The following PRKCA variants were observed in gnomAD, a reference collection of about 807,000 sequenced individuals.
PRKCA encodes protein kinase C alpha type.
Under a neutral mutation model 87.0 loss-of-function variants are expected in PRKCA, and 27 were observed. That is an observed-to-expected ratio of 0.31 (90% CI 0.23 to 0.43). The LOEUF (loss-of-function observed/expected upper bound fraction) is 0.43, where lower values mean the gene tolerates loss of function less well. Among genes scored for constraint, PRKCA ranks in the 20% least tolerant of loss-of-function variants. The pLI, the probability that PRKCA is intolerant of heterozygous loss-of-function variation, is 1.00. For missense variants in PRKCA, 518 were observed against 852.3 expected (o/e 0.61, Z 4.88); for synonymous variants, 329 against 311.1 (o/e 1.06, Z -0.61).
chr17:66,765,454 A>ATATATATATATATATATATC (rs1218360664), intron 13 of PRKCA, among the ~76,000 whole-genome samples: 6 of 130,090 alleles, frequency 4.6e-5, no homozygotes, highest in East Asian at 2.2e-4. Flanking sequence ...ATATATATAT[A>ATATATATATATATATATATC]TCCATATATA....
At chr17:66,336,822 C>T (rs1906722623) in intron 2 of PRKCA, among the ~76,000 whole-genome samples, 1 of 149,634 alleles carries the variant, frequency 6.7e-6, no homozygotes, top group African/African-American at 2.5e-5. Context: ...GAGTTTCGCT[C>T]TTGTTGCCCA....
intron 2 of PRKCA, among the ~76,000 whole-genome samples, chr17:66,315,768 C>T (rs1905284395): frequency 6.6e-6 from 1 of 152,186 alleles, no homozygotes; most frequent in Admixed American, 6.5e-5. Flanking sequence ...GCATGAGCCA[C>T]CACGTCCAGC....
chr17:66,527,385 G>A lies in PRKCA; in HGVS notation c.288+31102G>A, dbSNP rs145495661. On this transcript the variant is annotated intron_variant, in intron 3 of 16. Coordinates refer to ENST00000413366, the MANE Select transcript of PRKCA (RefSeq NM_002737.3). ...GGTCATAATCCTTAAAGTTTATAAG[G>A]CGACAAATTGCAGATTAGAGGACAT... Among the ~76,000 whole-genome samples the A allele has an allele frequency of 2.8e-3, 427 of 152,308 alleles. 2 individuals carry two copies. Among genetic ancestry groups the A allele is most frequent in the Non-Finnish European group, 4.9e-3 (333 of 68,032 alleles).
At position 66,641,366 on chromosome 17, in the gene PRKCA, C is replaced by T; in HGVS notation, c.300C>T (p.Ser100=). 6.2e-7 allele frequency: 1 copy of T among 1,612,434 alleles called. No homozygotes were observed. The highest frequency in any genetic ancestry group is 8.5e-7 in the Non-Finnish European group (1 of 1,178,994). Residue 100 remains serine, a synonymous_variant, in exon 4 of 17, where the codon AGC becomes AGT. Coordinates refer to ENST00000413366, the MANE Select transcript of PRKCA (RefSeq NM_002737.3). ...DKGPDTDDPR[S]KHKFKIHTYG... is the part of the protein sequence containing the mutation. ...TCTTCTCCTCCCAGGACCCCAGGAGCAAGCACAAGTTCAAAATCCACACTT... is the reference window on the plus strand; with the variant it reads ...TCTTCTCCTCCCAGGACCCCAGGAGTAAGCACAAGTTCAAAATCCACACTT...
intron 2 of PRKCA, among the ~76,000 whole-genome samples, chr17:66,354,207 G>T (rs76516426): frequency 7.9e-5 from 12 of 152,268 alleles, no homozygotes; most frequent in Non-Finnish European, 1.5e-4. Context: ...TTGGTCTGCA[G>T]TGATCTCAAA....
In PRKCA at chr17:66,807,371, C is replaced by G. The variant is rs952644544; in HGVS notation, c.*3334C>G. The G allele has an allele frequency of 6.6e-6, 1 of 152,282 alleles. No individual in the cohort carries two copies. The highest frequency in any genetic ancestry group is 6.5e-5 in the Admixed American group (1 of 15,288). The allele number at this position is 152,282 out of a possible 1,614,324, so 9.4% of individuals were successfully genotyped here. ...GAGGCTGCAGGCCGTGGGCTGGCAG[C>G]CCGTCTCTTGGCATTTCAATTGAAG... is the stretch of plus-strand genomic sequence containing the variant. On this transcript the variant is annotated 3_prime_UTR_variant, in exon 17 of 17. Transcript: ENST00000413366. The surrounding 1 kb of genome is among the most constrained non-coding windows in gnomAD (Gnocchi z 4.3).
intron 3 of PRKCA, among the ~76,000 whole-genome samples, chr17:66,560,241 T>TG (rs111823537): frequency 2.0e-4 from 30 of 148,892 alleles, no homozygotes; most frequent in African/African-American, 5.4e-4. Context: ...AAATCAGGAA[T>TG]AAAAAAAAAA....
chr17:66,696,562 G>T (rs1435643397), intron 8 of PRKCA: 2 of 152,190 alleles, frequency 1.3e-5, no homozygotes, highest in African/African-American at 2.4e-5. Context: ...AAATAGACAT[G>T]ATTTGCCCAA....
intron 3 of PRKCA, among the ~76,000 whole-genome samples, chr17:66,571,648 A>T (rs1417996076): frequency 1.3e-5 from 2 of 152,214 alleles, no homozygotes; most frequent in African/African-American, 4.8e-5. Context: ...ATGTTTTAGA[A>T]ATTGTTTTTC....
At chr17:66,750,651 CT>C (rs1461821756) in intron 13 of PRKCA, among the ~76,000 whole-genome samples, 1 of 152,236 alleles carries the variant, frequency 6.6e-6, no homozygotes, top group Non-Finnish European at 1.5e-5. Context: ...AGCCTCCCCA[CT>C]TCCAATCCTC....
chr17:66,311,574 G>GC, intron 2 of PRKCA, among the ~76,000 whole-genome samples: 1 of 152,272 alleles, frequency 6.6e-6, no homozygotes, highest in Admixed American at 6.5e-5. Context: ...GTGTGATCGT[G>GC]CCACTGCATT....
intron 2 of PRKCA, among the ~76,000 whole-genome samples, chr17:66,358,455 C>T (rs977011652): frequency 3.3e-5 from 5 of 150,154 alleles, no homozygotes; most frequent in African/African-American, 1.3e-4. Context: ...GTACTTTGCA[C>T]ATGGTAATGA....
intron 3 of PRKCA, among the ~76,000 whole-genome samples, chr17:66,564,782 C>A (rs1428222082): frequency 1.3e-5 from 2 of 152,064 alleles, no homozygotes; most frequent in Admixed American, 1.3e-4. Flanking sequence ...GAGTTCAAGA[C>A]CAGCCTGGCC....
chr17:66,323,799 G>A (rs1905817429), intron 2 of PRKCA, among the ~76,000 whole-genome samples: 1 of 152,136 alleles, frequency 6.6e-6, no homozygotes, highest in African/African-American at 2.4e-5. Context: ...AATTAGCTGG[G>A]TGTGGTGGCA....
At chr17:66,465,789 C>T (rs1915059303) in intron 2 of PRKCA, among the ~76,000 whole-genome samples, 1 of 152,134 alleles carries the variant, frequency 6.6e-6, no homozygotes, top group Non-Finnish European at 1.5e-5. Flanking sequence ...AGACAACCAT[C>T]CCCATTCCAC....
intron 8 of PRKCA, among the ~76,000 whole-genome samples, chr17:66,721,533 G>A (rs954373548): frequency 1.3e-5 from 2 of 152,024 alleles, no homozygotes; most frequent in Admixed American, 6.6e-5. Context: ...TGGGAAAGGG[G>A]CAGGCAATTC....
intron 2 of PRKCA, among the ~76,000 whole-genome samples, chr17:66,331,272 G>C (rs995107967): frequency 6.6e-6 from 1 of 152,094 alleles, no homozygotes; most frequent in Non-Finnish European, 1.5e-5. Flanking sequence ...CCCTTCGTCT[G>C]TTTTTCTCTT....
At chr17:66,397,680 T>G (rs868768711) in intron 2 of PRKCA, among the ~76,000 whole-genome samples, 1 of 152,202 alleles carries the variant, frequency 6.6e-6, no homozygotes, top group Non-Finnish European at 1.5e-5. Context: ...CACAGAAGAC[T>G]TGAATACATC....
At chr17:66,532,876 C>T (rs1044793563) in intron 3 of PRKCA, among the ~76,000 whole-genome samples, 1 of 152,194 alleles carries the variant, frequency 6.6e-6, no homozygotes, top group Admixed American at 6.5e-5. Flanking sequence ...AGCAGCTGAT[C>T]TGCTGCTGTC....
Sources: allele counts gnomAD v4.1 joint callset (sites outside exome capture counted in the v4.1 genomes callset), GRCh38; gene constraint gnomAD v4.1.1; non-coding constraint Gnocchi (gnomAD v3.1); transcripts MANE v1.5; gene names NCBI Gene and HGNC (gene_info 2026-07-23, HGNC 2026-07-21).